AGMO: variants seen among roughly 807,000 people sequenced by gnomAD.
The protein encoded by AGMO is glyceryl-ether monooxygenase.
A neutral mutation model predicts 60.2 loss-of-function variants in AGMO; 75 were observed. The ratio of observed to expected loss-of-function variants is 1.25; its 90% CI spans 1.03 to 1.51. The LOEUF (loss-of-function observed/expected upper bound fraction) is 1.51, where lower values mean the gene tolerates loss of function less well. Among genes scored for constraint, AGMO ranks in the 40% most tolerant of loss-of-function variants. AGMO has a pLI of 0.00. For missense variants in AGMO, 763 were observed against 525.5 expected (o/e 1.45, Z -4.42); for synonymous variants, 261 against 177.1 (o/e 1.47, Z -3.76).
chr7:15,450,199 T>A (rs1279715635), intron 3 of AGMO, among the ~76,000 whole-genome samples: 1 of 152,072 alleles, frequency 6.6e-6, no homozygotes, highest in Non-Finnish European at 1.5e-5. Flanking sequence ...GGCGGGCAGA[T>A]CACGAGTTCA....
chr7:15,374,738 T>C (rs1439691985), intron 10 of AGMO, among the ~76,000 whole-genome samples: 2 of 152,034 alleles, frequency 1.3e-5, no homozygotes, highest in Non-Finnish European at 2.9e-5. Context: ...TAGGTTACAA[T>C]ACAGAGGGAC....
intron 12 of AGMO, among the ~76,000 whole-genome samples, chr7:15,289,583 T>C (rs1784197476): frequency 6.6e-6 from 1 of 152,050 alleles, no homozygotes; most frequent in African/African-American, 2.4e-5. Flanking sequence ...AGTTCATACA[T>C]AGGTTCTAAT....
chr7:15,537,624 G>C (rs966330803), intron 3 of AGMO, among the ~76,000 whole-genome samples: 1 of 151,974 alleles, frequency 6.6e-6, no homozygotes, highest in African/African-American at 2.4e-5. Context: ...TTCAAAAATA[G>C]ACTGATGGAG....
At chr7:15,130,660 G>T in the AGMO span, among the ~76,000 whole-genome samples, 1 of 152,086 alleles carries the variant, frequency 6.6e-6, no homozygotes, top group African/African-American at 2.4e-5. Context: ...CTATATAATT[G>T]TTAGAATTAA....
rs1562557496 is a variant in AGMO, at chr7:15,531,524, C to CTCTATATATTCTA, written c.409+13247_409+13248insTAGAATATATAGA. Among the ~76,000 whole-genome samples, 16 of 34,354 alleles carry CTCTATATATTCTA rather than the reference C, an allele frequency of 4.7e-4. 4 individuals carry two copies. The highest frequency in any genetic ancestry group is 1.6e-3 in the African/African-American group (16 of 9,932). The allele number at this position is 34,354 out of a possible 152,430, so 22.5% of individuals were successfully genotyped here. A position where few individuals can be genotyped will look rare whatever the true frequency, so the allele number is the denominator to read the frequency against. On this transcript the variant is annotated intron_variant, in intron 3 of 12. Transcript: ENST00000342526. ...TCTATATATATTCTCTATATATATT[C>CTCTATATATTCTA]TATATATATTCTCTATATATATTCT...
chr7:15,153,678 T>C, the AGMO span, among the ~76,000 whole-genome samples: 1 of 152,200 alleles, frequency 6.6e-6, no homozygotes, highest in Non-Finnish European at 1.5e-5. Flanking sequence ...TTCTGGGTTC[T>C]CTATTCTATT....
intron 12 of AGMO, among the ~76,000 whole-genome samples, chr7:15,319,954 T>C (rs1340125810): frequency 6.6e-6 from 1 of 152,144 alleles, no homozygotes; most frequent in East Asian, 1.9e-4. Context: ...GTTCATGTCC[T>C]TTGTAGGGAC....
chr7:15,409,407 G>A (rs897903528), intron 5 of AGMO, among the ~76,000 whole-genome samples: 16 of 151,912 alleles, frequency 1.1e-4, no homozygotes, highest in Admixed American at 8.6e-4. Flanking sequence ...AGTGAATGAA[G>A]TATGGTCAAA....
At chr7:15,248,494 T>C (rs1429634561) in intron 12 of AGMO, among the ~76,000 whole-genome samples, 1 of 151,944 alleles carries the variant, frequency 6.6e-6, no homozygotes, top group Non-Finnish European at 1.5e-5. Flanking sequence ...AAAGAAAAAT[T>C]CCCATTCCCA....
chr7:15,392,060 T>G (rs1784164390), intron 6 of AGMO, among the ~76,000 whole-genome samples: 1 of 152,010 alleles, frequency 6.6e-6, no homozygotes, highest in Non-Finnish European at 1.5e-5. Flanking sequence ...TTCCTATATT[T>G]TTTATTTTTT....
chr7:15,253,407 T>C (rs1373202517), intron 12 of AGMO, among the ~76,000 whole-genome samples: 3 of 152,100 alleles, frequency 2.0e-5, no homozygotes, highest in Non-Finnish European at 4.4e-5. Flanking sequence ...AGGGAGGCTA[T>C]TAGTCATTCA....
rs758940891 is a variant in AGMO at position 15,366,103 on chromosome 7, G to C, written c.1157+37C>G. 4 of 1,506,420 alleles carry C rather than the reference G, an allele frequency of 2.7e-6. No homozygotes were observed. In the Admixed American group the frequency reaches 5.4e-5, roughly 20 times the overall value. The allele number at this position is 1,506,420 out of a possible 1,614,324, so 93.3% of individuals were successfully genotyped here. ...ACTCTGTGGAAAATTCTTGAATTGA[G>C]TAAAAGTAAAAACAATGCAAGAATT... On this transcript the variant is annotated intron_variant, in intron 11 of 12. Coordinates refer to ENST00000342526, the MANE Select transcript of AGMO (RefSeq NM_001004320.2).
chr7:15,335,408 A>G (rs546530126), intron 12 of AGMO, among the ~76,000 whole-genome samples: 1 of 152,184 alleles, frequency 6.6e-6, no homozygotes, highest in Non-Finnish European at 1.5e-5. Flanking sequence ...CTAAGTGGAA[A>G]TATTTCTTCT....
At chr7:15,549,858 A>G (rs908532987) in intron 2 of AGMO, among the ~76,000 whole-genome samples, 108 of 152,046 alleles carry the variant, frequency 7.1e-4, no homozygotes, top group African/African-American at 2.5e-3. Context: ...AATCAACAGA[A>G]TATACATTTT....
At chr7:15,126,306 C>T in the AGMO span, among the ~76,000 whole-genome samples, 2 of 152,100 alleles carry the variant, frequency 1.3e-5, no homozygotes, top group African/African-American at 4.8e-5. Context: ...ATAATGGAGC[C>T]TACACTGTGA....
downstream of AGMO, among the ~76,000 whole-genome samples, chr7:15,195,443 G>C (rs1781093156): frequency 6.6e-6 from 1 of 152,168 alleles, no homozygotes. Context: ...CCAAAGATTG[G>C]TTGGACCAGG....
intron 2 of AGMO, among the ~76,000 whole-genome samples, chr7:15,552,492 C>A (rs992165895): frequency 4.0e-5 from 6 of 150,116 alleles, no homozygotes; most frequent in Non-Finnish European, 3.0e-5. Context: ...CAAACAACCC[C>A]ATCAAAAAGT....
intron 12 of AGMO, among the ~76,000 whole-genome samples, chr7:15,348,578 T>C (rs954195830): frequency 2.6e-5 from 4 of 152,142 alleles, no homozygotes; most frequent in African/African-American, 9.6e-5. Flanking sequence ...CTTCTTTCTA[T>C]AGCTTTGGCT....
intron 12 of AGMO, among the ~76,000 whole-genome samples, chr7:15,203,265 T>G (rs1200400786): frequency 6.6e-6 from 1 of 152,160 alleles, no homozygotes; most frequent in East Asian, 1.9e-4. Flanking sequence ...TTAAAAATTT[T>G]TACCTAAATA....
Sources: gnomAD v4.1 joint callset for allele counts (sites outside exome capture counted in the v4.1 genomes callset) on GRCh38, gnomAD v4.1.1 for gene constraint, MANE v1.5 for transcripts, NCBI Gene and HGNC (gene_info 2026-07-23, HGNC 2026-07-21) for gene names.